The following ASPSCR1 variants were observed in gnomAD, a reference collection of about 807,000 sequenced individuals.
ASPSCR1 encodes the protein tether containing UBX domain for GLUT4.
ASPSCR1 carries 55 observed loss-of-function variants against 68.9 expected under a neutral mutation model. The observed-to-expected ratio is 0.80, with a 90% CI of 0.64 to 1.00. The LOEUF (loss-of-function observed/expected upper bound fraction) is 1.00, where lower values mean the gene tolerates loss of function less well. ASPSCR1 is among the 50% of genes least tolerant of loss of function. ASPSCR1 has a pLI of 0.00. For synonymous variants in ASPSCR1, 352 were observed against 332.6 expected, an observed-to-expected ratio of 1.06 and a Z score of -0.63; for missense variants, 765 against 762.2, an observed-to-expected ratio of 1.00 and a Z score of -0.04.
At chr17:82,008,919 G>A (rs924621950) in intron 7 of ASPSCR1, 118 bp from the exon 8 acceptor site, 20 of 1,345,222 alleles carry the variant, frequency 1.5e-5, no homozygotes, top group Non-Finnish European at 1.8e-5. Context: ...CCGGGGCCAG[G>A]GAGGGAGTGG....
At chr17:82,002,039 G>A (rs1299641970) in intron 7 of ASPSCR1, among the ~76,000 whole-genome samples, 11 of 112,238 alleles carry the variant, frequency 9.8e-5, no homozygotes, top group South Asian at 2.7e-4. Context: ...ACACAGTCTC[G>A]CTCTCTTGCC....
chr17:81,989,298 G>A (rs1379279471), intron 4 of ASPSCR1, among the ~76,000 whole-genome samples: 3 of 152,226 alleles, frequency 2.0e-5, no homozygotes, highest in Non-Finnish European at 2.9e-5. Context: ...GGATATGGAC[G>A]AGGTTTCATA....
At position 81,979,235 on chromosome 17, in the gene ASPSCR1, C is replaced by T; in HGVS notation, c.154C>T (p.Leu52=). 1.9e-6 allele frequency: 3 copies of T among 1,613,998 alleles called. No homozygotes were observed. Among genetic ancestry groups the T allele is most frequent in the Non-Finnish European group, 2.5e-6 (3 of 1,179,910 alleles). Residue 52 remains leucine, a synonymous_variant, in exon 2 of 16, where the codon CTG becomes TTG. Coordinates refer to ENST00000306739, the MANE Select transcript of ASPSCR1 (RefSeq NM_024083.4). ...GGACTTCAACCCCTGTGAATATGAT[C>T]TGAAGTGAGTTTGCTCCAGCTCAGC... The part of the protein sequence containing the change: ...RQDFNPCEYD[L]KFQRSVLDLS...
intron 7 of ASPSCR1, chr17:82,005,408 G>C (rs534797043): frequency 4.6e-5 from 7 of 152,182 alleles, no homozygotes; most frequent in Non-Finnish European, 1.0e-4. Context: ...GGCAGGTCTC[G>C]TGAGAGGCCT....
intron 1 of ASPSCR1, chr17:81,978,574 C>T (rs371596988): frequency 1.3e-5 from 2 of 152,464 alleles, no homozygotes; most frequent in Non-Finnish European, 2.9e-5. Context: ...CGTGGGGGAC[C>T]GTGAGGATCC....
chr17:81,985,538 C>T lies in ASPSCR1; in HGVS notation c.305C>T (p.Ser102Leu), dbSNP rs549752566. Reference protein sequence around the residue: ...VRIALQLDDGSRLQDSFCSGQ... With the variant: ...VRIALQLDDGLRLQDSFCSGQ... ...ATCGCTTTGCAGCTGGACGATGGCT[C>T]GAGGTTGCAGGACTCTTTCTGTTCA... The change falls in exon 4 of 16, where the codon TCG becomes TTG. Residue 102 changes from serine (S) to leucine (L), a missense_variant. Coordinates refer to ENST00000306739, the MANE Select transcript of ASPSCR1 (RefSeq NM_024083.4). 6.2e-6 allele frequency: 10 copies of T among 1,613,932 alleles called. No individual in the cohort carries two copies. Among genetic ancestry groups the T allele is most frequent in the African/African-American group, 2.7e-5 (2 of 74,936 alleles).
chr17:82,013,026 G>T (rs1040230740), intron 12 of ASPSCR1: 1 of 152,256 alleles, frequency 6.6e-6, no homozygotes, highest in Non-Finnish European at 1.5e-5. Context: ...GTGGCCACAG[G>T]CCTCTACAGA....
intron 7 of ASPSCR1, chr17:82,008,825 C>G (rs1025735670): frequency 3.5e-6 from 2 of 568,314 alleles, no homozygotes. Context: ...GGTCTCCAGC[C>G]CTGGACAGGC....
At chr17:81,985,128 G>GCA (rs962946054) in intron 3 of ASPSCR1, among the ~76,000 whole-genome samples, 9 of 135,428 alleles carry the variant, frequency 6.6e-5, no homozygotes, top group Non-Finnish European at 1.1e-4. Context: ...ATGTAAACAT[G>GCA]CACACACACG....
At chr17:82,010,760 A>G in intron 9 of ASPSCR1, 42 bp from the exon 10 acceptor site, 2 of 1,592,440 alleles carry the variant, frequency 1.3e-6, no homozygotes, top group Non-Finnish European at 1.7e-6. Flanking sequence ...TCCCTGGTGC[A>G]GCTCCGGCCG....
chr17:82,017,075 G>A lies in ASPSCR1; in HGVS notation c.1610G>A (p.Arg537Lys), dbSNP rs765135115. The A allele has an allele frequency of 2.5e-6, 4 of 1,607,908 alleles. No homozygotes were observed. Among genetic ancestry groups the A allele is most frequent in the Non-Finnish European group, 3.4e-6 (4 of 1,178,528 alleles). ...CCAGGGACGGCCCAGCCCGTGAAGA[G>A]GAGCCTGGGCAAGGTGCCCAAGTGG... ...PIPGTAQPVKRSLGKVPKWLK... is the reference protein window; with the variant it reads ...PIPGTAQPVKKSLGKVPKWLK... Residue 537 changes from arginine to lysine, a missense_variant, in exon 15 of 16, where the codon AGG becomes AAG. Transcript: ENST00000306739.
At chr17:81,996,325 G>A (rs1438589741) in intron 6 of ASPSCR1, 95 bp from the exon 7 acceptor site, 1 of 1,495,838 alleles carries the variant, frequency 6.7e-7, no homozygotes, top group African/African-American at 1.4e-5. Flanking sequence ...GGGAGAGGGT[G>A]AGCCGGGGGC....
chr17:81,992,697 CGGCGCATTTTGA>C (rs2042211811), intron 4 of ASPSCR1, among the ~76,000 whole-genome samples: 1 of 152,222 alleles, frequency 6.6e-6, no homozygotes, highest in Non-Finnish European at 1.5e-5. Flanking sequence ...GGTTCTGCTC[CGGCGCATTTTGA>C]GGCCTTGTGT....
At chr17:81,992,407 C>T (rs569617266) in intron 4 of ASPSCR1, among the ~76,000 whole-genome samples, 3 of 152,346 alleles carry the variant, frequency 2.0e-5, no homozygotes, top group African/African-American at 4.8e-5. Flanking sequence ...AGCCGCACAT[C>T]AAAGCCGGGC....
At chr17:82,014,907 G>A (rs935898048) in intron 12 of ASPSCR1, 13 of 816,812 alleles carry the variant, frequency 1.6e-5, no homozygotes, top group Middle Eastern at 3.6e-4. Context: ...AGGGCAGGGC[G>A]GGCACCCCCA....
intron 7 of ASPSCR1, among the ~76,000 whole-genome samples, chr17:82,000,347 G>C (rs986618746): frequency 1.3e-5 from 2 of 152,226 alleles, no homozygotes; most frequent in African/African-American, 4.8e-5. Context: ...GAGGGGTCCA[G>C]GGGAGGGAGC....
At position 81,983,952 on chromosome 17, in the gene ASPSCR1, G is replaced by C. The variant is rs943766379; in HGVS notation, c.273+284G>C. Among the ~76,000 whole-genome samples the C allele has an allele frequency of 1.3e-5, 2 of 151,740 alleles. No homozygotes were observed. Among genetic ancestry groups the C allele is most frequent in the Non-Finnish European group, 2.9e-5 (2 of 67,920 alleles). On this transcript the variant is annotated intron_variant, in intron 3 of 15. Transcript: ENST00000306739. The surrounding 1 kb of genome is among the most constrained non-coding windows in gnomAD (Gnocchi z 4.4). ...GGCTCACTTCAAGCTCCGCCTCCCG[G>C]GTTCACACCATTCTGCCTCAGCCTC...
At position 81,996,616 on chromosome 17, in the gene ASPSCR1, A is replaced by G. The variant is rs770237371; in HGVS notation, c.703A>G (p.Arg235Gly). Residue 235 changes from arginine to glycine, a missense_variant, in exon 7 of 16, where the codon AGG (arginine) becomes GGG (glycine). Physicochemically the swap from Arg to Gly is moderately radical, Grantham distance 125 (BLOSUM62 -2). Coordinates refer to ENST00000306739, the MANE Select transcript of ASPSCR1 (RefSeq NM_024083.4). The stretch of plus-strand genomic sequence containing the variant: ...GCACACTCAGGAGAAGCAGAGCACA[A>G]GGGCACCCGCAGCTGCCCCCTTTGT... The part of the protein sequence containing the change: ...CEHTQEKQST[R>G]APAAAPFVPF... 5.6e-6 allele frequency: 9 copies of G among 1,611,658 alleles called. No individual in the cohort carries two copies. The highest frequency in any genetic ancestry group is 5.0e-5 in the Admixed American group (3 of 59,890).
At chr17:81,994,212 G>C (rs1045457568) in intron 4 of ASPSCR1, among the ~76,000 whole-genome samples, 11 of 152,228 alleles carry the variant, frequency 7.2e-5, no homozygotes, top group African/African-American at 2.7e-4. Context: ...TGCCTCCTGC[G>C]GGGCGAGGCT....
Sources: allele counts gnomAD v4.1 joint callset (sites outside exome capture counted in the v4.1 genomes callset), GRCh38; gene constraint gnomAD v4.1.1; non-coding constraint Gnocchi (gnomAD v3.1); transcripts MANE v1.5; gene names NCBI Gene and HGNC (gene_info 2026-07-23, HGNC 2026-07-21).